The following CACNA2D2 variants were observed in gnomAD, a reference collection of about 807,000 sequenced individuals.
CACNA2D2 encodes voltage-dependent calcium channel subunit alpha-2/delta-2.
A neutral mutation model predicts 166.4 loss-of-function variants in CACNA2D2; 48 were observed. That is an observed-to-expected ratio of 0.29 (90% CI 0.23 to 0.37). The LOEUF is 0.37. Ranked by LOEUF, CACNA2D2 falls within the 10% of genes least tolerant of loss-of-function variation. The pLI, the probability that CACNA2D2 is intolerant of heterozygous loss-of-function variation, is 1.00. For missense variants in CACNA2D2, 1,122 were observed against 1,433.0 expected (o/e 0.78, Z 3.50); for synonymous variants, 561 against 573.7 (o/e 0.98, Z 0.32).
At chr3:50,488,361 G>C (rs1698378050) in intron 1 of CACNA2D2, among the ~76,000 whole-genome samples, 1 of 152,104 alleles carries the variant, frequency 6.6e-6, no homozygotes, top group South Asian at 2.1e-4. Context: ...AGTCTCTCAG[G>C]AGCTGATTTC....
chr3:50,445,081 G>A (rs1708777619), intron 2 of CACNA2D2, among the ~76,000 whole-genome samples: 2 of 152,222 alleles, frequency 1.3e-5, no homozygotes. Flanking sequence ...GCCTGCGTGA[G>A]GCTCTGTGGG....
At chr3:50,388,552 G>A (rs1489798138) in intron 4 of CACNA2D2, among the ~76,000 whole-genome samples, 1 of 152,224 alleles carries the variant, frequency 6.6e-6, no homozygotes, top group African/African-American at 2.4e-5. Context: ...TGGGAGTGGT[G>A]ACCAAGTCTG....
chr3:50,492,114 G>A (rs541660613), intron 1 of CACNA2D2, among the ~76,000 whole-genome samples: 25 of 152,114 alleles, frequency 1.6e-4, no homozygotes, highest in Non-Finnish European at 2.9e-4. Context: ...CACCCTCCCC[G>A]CAAGATGAGA....
intron 1 of CACNA2D2, among the ~76,000 whole-genome samples, chr3:50,485,692 T>C (rs906925900): frequency 1.3e-5 from 2 of 152,226 alleles, no homozygotes; most frequent in African/African-American, 4.8e-5. Context: ...CAGCTCACTA[T>C]GCAGGGGTCG....
chr3:50,379,691 C>T lies in CACNA2D2; in HGVS notation c.993+34G>A. The T allele has an allele frequency of 6.2e-7, 1 of 1,608,888 alleles. No individual in the cohort carries two copies. ...CACAGGAGCAGGGCAGATGGGGTGA[C>T]CCATTTCACCCCGTCTGCCACCTTG... is the stretch of plus-strand genomic sequence containing the variant. On this transcript the variant is annotated intron_variant, in intron 10 of 37. Coordinates refer to ENST00000424201, the MANE Select transcript of CACNA2D2 (RefSeq NM_006030.4). This position sits in a 1 kb window ranked among gnomAD's most constrained non-coding sequence, Gnocchi z 6.5.
At chr3:50,458,902 C>T (rs1709479317) in intron 2 of CACNA2D2, among the ~76,000 whole-genome samples, 1 of 152,222 alleles carries the variant, frequency 6.6e-6, no homozygotes, top group Admixed American at 6.5e-5. Flanking sequence ...CAGGCCTGTG[C>T]CATCCCTTCC....
Position 50,459,447 on chromosome 3 carries a change from C to G in CACNA2D2, c.288+16671G>C, listed in dbSNP as rs181624248. ...GGGTCTTCCCAACTCTCTCACCTGA[C>G]TCGTGGTGGGGATGCATCAGCCCAG... On this transcript the variant is annotated intron_variant, in intron 2 of 37. Transcript: ENST00000424201. 6.6e-4 allele frequency among the ~76,000 whole-genome samples: 101 copies of G among 152,250 alleles called. 1 individual carries two copies. Among genetic ancestry groups the G allele is most frequent in the Admixed American group, 5.7e-3 (87 of 15,300 alleles).
At chr3:50,396,718 CG>C (rs974014131) in intron 3 of CACNA2D2, among the ~76,000 whole-genome samples, 1 of 129,194 alleles carries the variant, frequency 7.7e-6, no homozygotes. Flanking sequence ...TAAAGCCTGA[CG>C]AGGCAGTGTG....
intron 2 of CACNA2D2, among the ~76,000 whole-genome samples, chr3:50,469,604 C>T (rs1709979256): frequency 6.6e-6 from 1 of 150,558 alleles, no homozygotes; most frequent in Admixed American, 6.6e-5. Flanking sequence ...CTTGCTCCTG[C>T]TCCCCTGAGA....
intron 1 of CACNA2D2, among the ~76,000 whole-genome samples, chr3:50,497,035 C>T: frequency 6.6e-6 from 1 of 152,298 alleles, no homozygotes; most frequent in South Asian, 2.1e-4. Flanking sequence ...GCCCCTCCCC[C>T]TCTGCTAAAC....
intron 1 of CACNA2D2, 81 bp from the exon 2 acceptor site, chr3:50,476,280 T>C: frequency 1.8e-6 from 2 of 1,107,580 alleles, no homozygotes; most frequent in Non-Finnish European, 2.6e-6. Flanking sequence ...CCGGGGGCAC[T>C]GGGGGCAACT....
rs746041404 is a variant in CACNA2D2, at chr3:50,365,079, C to T, written c.3204G>A (p.Thr1068=). 2 of 1,610,392 alleles carry T rather than the reference C, an allele frequency of 1.2e-6. No homozygotes were observed. Among genetic ancestry groups the T allele is most frequent in the Non-Finnish European group, 1.7e-6 (2 of 1,178,842 alleles). The change falls in exon 36 of 38, where the codon ACG becomes ACA. Residue 1068 remains threonine, a synonymous_variant. Coordinates refer to ENST00000424201, the MANE Select transcript of CACNA2D2 (RefSeq NM_006030.4). This position sits in a 1 kb window ranked among gnomAD's most constrained non-coding sequence, Gnocchi z 4.5. ...CEAGRLLQKE[T]HSDGPEQCEL... ...GGGAGGGCGGGGGCAGGATACAGTG[C>T]GTCTCCTTCTGCAGCAGCCGGCCAG...
At chr3:50,385,778 G>A (rs369801782) in intron 5 of CACNA2D2, among the ~76,000 whole-genome samples, 1 of 152,246 alleles carries the variant, frequency 6.6e-6, no homozygotes, top group Non-Finnish European at 1.5e-5. Flanking sequence ...GGAAGCGGCC[G>A]ACTGTGAGGC....
intron 1 of CACNA2D2, among the ~76,000 whole-genome samples, chr3:50,499,809 T>C (rs561020796): frequency 4.5e-4 from 69 of 152,372 alleles, no homozygotes; most frequent in Non-Finnish European, 7.6e-4. Context: ...TTTCCTCCTT[T>C]CTCAGGGGTT....
In CACNA2D2 at chr3:50,365,575, C is replaced by T; in HGVS notation, c.2971+58G>A. 1.3e-6 allele frequency: 2 copies of T among 1,577,482 alleles called. No individual in the cohort carries two copies. Among genetic ancestry groups the T allele is most frequent in the Non-Finnish European group, 1.7e-6 (2 of 1,160,836 alleles). On this transcript the variant is annotated intron_variant, in intron 34 of 37. Transcript: ENST00000424201. The surrounding 1 kb of genome is among the most constrained non-coding windows in gnomAD (Gnocchi z 4.5). ...GTAGACCCCACCCTCCCCATGGAGT[C>T]GTCTTAGCTCAGATTGGGGACCCGG...
chr3:50,370,427 A>T, intron 22 of CACNA2D2, 47 bp from the exon 23 acceptor site: 9 of 349,860 alleles, frequency 2.6e-5, no homozygotes, highest in East Asian at 1.1e-4. Context: ...GGGAGGCTGG[A>T]GGCCGGGGGG....
intron 3 of CACNA2D2, among the ~76,000 whole-genome samples, chr3:50,402,092 T>C (rs1369833534): frequency 6.6e-6 from 1 of 152,248 alleles, no homozygotes; most frequent in Non-Finnish European, 1.5e-5. Context: ...GAAGTGGCAC[T>C]CACAGGTGGT....
chr3:50,374,709 G>A, intron 22 of CACNA2D2, 28 bp downstream of exon 22: 1 of 1,572,978 alleles, frequency 6.4e-7, no homozygotes, highest in Non-Finnish European at 8.6e-7. Context: ...GCAGGGTGCA[G>A]GGCGCAGGCA....
intron 2 of CACNA2D2, among the ~76,000 whole-genome samples, chr3:50,474,055 G>C (rs1710208020): frequency 6.6e-6 from 1 of 152,150 alleles, no homozygotes; most frequent in Non-Finnish European, 1.5e-5. Flanking sequence ...GGCTCATCTT[G>C]TCCACCCTAC....
Sources: gnomAD v4.1 joint callset for allele counts (sites outside exome capture counted in the v4.1 genomes callset) on GRCh38, gnomAD v4.1.1 for gene constraint, Gnocchi (gnomAD v3.1) non-coding constraint, MANE v1.5 for transcripts, NCBI Gene and HGNC (gene_info 2026-07-23, HGNC 2026-07-21) for gene names.